BMPR2: variants seen among roughly 807,000 people sequenced by gnomAD.
BMPR2 encodes the protein bone morphogenetic protein receptor type-2.
In BMPR2, 29 loss-of-function variants were observed where a neutral mutation model predicts 100.8. The ratio of observed to expected loss-of-function variants is 0.29; its 90% CI spans 0.21 to 0.39. The LOEUF is 0.39. BMPR2 is among the 10% of genes least tolerant of loss of function. The pLI, the probability that BMPR2 is intolerant of heterozygous loss-of-function variation, is 1.00. For missense variants in BMPR2, 1,011 were observed against 1,274.5 expected, an observed-to-expected ratio of 0.79 and a Z score of 3.15; for synonymous variants, 382 against 442.3, an observed-to-expected ratio of 0.86 and a Z score of 1.71.
chr2:202,541,618 T>A (rs1011442522), intron 9 of BMPR2, among the ~76,000 whole-genome samples: 14 of 152,106 alleles, frequency 9.2e-5, no homozygotes, highest in African/African-American at 2.7e-4. Flanking sequence ...GGTCCTGGAG[T>A]TTTTCCTCAT....
intron 9 of BMPR2, among the ~76,000 whole-genome samples, chr2:202,539,643 T>G (rs1055332563): frequency 2.6e-5 from 4 of 152,082 alleles, no homozygotes; most frequent in African/African-American, 9.7e-5. Flanking sequence ...AATAAATGAT[T>G]TATCTGTATT....
chr2:202,542,943 G>A (rs1327149744), intron 10 of BMPR2, among the ~76,000 whole-genome samples: 4 of 151,804 alleles, frequency 2.6e-5, no homozygotes, highest in South Asian at 2.1e-4. Flanking sequence ...TTGGGAGGCC[G>A]AGGCGGGCAG....
chr2:202,383,111 A>G lies in BMPR2; in HGVS notation c.76+5561A>G, dbSNP rs955245634. Among the ~76,000 whole-genome samples the G allele has an allele frequency of 3.9e-5, 6 of 152,252 alleles. 1 individual carries two copies. Among genetic ancestry groups the G allele is most frequent in the Non-Finnish European group, 8.8e-5 (6 of 68,038 alleles). On this transcript the variant is annotated intron_variant, in intron 1 of 12. Transcript: ENST00000374580. ...CATTTCTTAATTTGTGCATTAAGCA[A>G]TTACCCAAAATCTTTTCCTTTTAAA...
rs71406975 is a variant in BMPR2 at position 202,388,396 on chromosome 2, C to CAAA, written c.76+10868_76+10870dup. The stretch of plus-strand genomic sequence containing the variant: ...TGGGTGACAGAGCGAGACTCCATCT[C>CAAA]AAAAAAAAAAAAAAAAAAAAAAAAC... On this transcript the variant is annotated intron_variant, in intron 1 of 12. Coordinates refer to ENST00000374580, the MANE Select transcript of BMPR2 (RefSeq NM_001204.7). Among the ~76,000 whole-genome samples the CAAA allele has an allele frequency of 3.4e-3, 124 of 36,780 alleles. 7 individuals are homozygous for CAAA. The highest frequency in any genetic ancestry group is 5.0e-3 in the African/African-American group (42 of 8,478). 24.1% of individuals were successfully genotyped at this position (36,780 alleles called of 152,430 possible). A position where few individuals can be genotyped will look rare whatever the true frequency, so the allele number is the denominator to read the frequency against.
chr2:202,522,273 C>T (rs906047659), intron 7 of BMPR2, among the ~76,000 whole-genome samples: 2 of 152,022 alleles, frequency 1.3e-5, no homozygotes, highest in South Asian at 2.1e-4. Context: ...TTTGGGAGGC[C>T]GAGGTGGGCG....
chr2:202,385,346 A>G (rs1287774807), intron 1 of BMPR2, among the ~76,000 whole-genome samples: 1 of 149,056 alleles, frequency 6.7e-6, no homozygotes, highest in Non-Finnish European at 1.5e-5. Flanking sequence ...TTTTCTTCTA[A>G]TTAAAAAAAA....
chr2:202,486,851 C>T (rs976905012), intron 3 of BMPR2, among the ~76,000 whole-genome samples: 2 of 151,476 alleles, frequency 1.3e-5, no homozygotes, highest in African/African-American at 4.9e-5. Flanking sequence ...TATAGTGAGA[C>T]CCTGCCTCTA....
chr2:202,397,965 AT>A (rs1574427161), intron 1 of BMPR2, among the ~76,000 whole-genome samples: 1 of 151,936 alleles, frequency 6.6e-6, no homozygotes, highest in East Asian at 1.9e-4. Context: ...TACTGAAAAT[AT>A]AAAAAATTAG....
At chr2:202,518,444 G>A (rs1025594754) in intron 5 of BMPR2, among the ~76,000 whole-genome samples, 4 of 151,952 alleles carry the variant, frequency 2.6e-5, no homozygotes, top group Admixed American at 2.6e-4. Context: ...AGCCTAGAAT[G>A]GTTTTCTTTA....
intron 1 of BMPR2, among the ~76,000 whole-genome samples, chr2:202,429,261 G>C (rs777055772): frequency 1.8e-4 from 27 of 152,144 alleles, no homozygotes; most frequent in Middle Eastern, 3.4e-3. Flanking sequence ...TTCTTCAGTG[G>C]TTCCTTGTGG....
chr2:202,476,516 C>T (rs184764067), intron 3 of BMPR2, among the ~76,000 whole-genome samples: 41 of 152,174 alleles, frequency 2.7e-4, no homozygotes, highest in African/African-American at 3.6e-4. Context: ...AGGCTGGGTG[C>T]GGTGGCTCAT....
chr2:202,559,133 C>T (rs1484237907), intron 12 of BMPR2, among the ~76,000 whole-genome samples: 2 of 151,748 alleles, frequency 1.3e-5, no homozygotes, highest in African/African-American at 2.4e-5. Context: ...AACCCCCCGT[C>T]TCTACTAAAA....
At chr2:202,409,177 T>C (rs1690960609) in intron 1 of BMPR2, among the ~76,000 whole-genome samples, 1 of 152,076 alleles carries the variant, frequency 6.6e-6, no homozygotes, top group Admixed American at 6.6e-5. Context: ...AAACCTTGTC[T>C]CTATAAAAAA....
At position 202,552,684 on chromosome 2, in the gene BMPR2, A is replaced by T; in HGVS notation, c.1414-32A>T. The T allele has an allele frequency of 1.9e-6, 3 of 1,612,274 alleles. No individual in the cohort carries two copies. In the South Asian group the frequency reaches 3.3e-5, roughly 18 times the overall value. ...GCTCAATACATTTTTTTTTTTAAAG[A>T]CACATGGTTTGACATGTACTTTGTC... On this transcript the variant is annotated intron_variant, in intron 10 of 12. Coordinates refer to ENST00000374580, the MANE Select transcript of BMPR2 (RefSeq NM_001204.7).
intron 1 of BMPR2, among the ~76,000 whole-genome samples, chr2:202,417,298 G>A (rs767849301): frequency 2.0e-5 from 3 of 152,004 alleles, no homozygotes; most frequent in Non-Finnish European, 2.9e-5. Context: ...CACCATGCCC[G>A]GCTAATTTAT....
chr2:202,461,958 A>G (rs1443826113), intron 1 of BMPR2, among the ~76,000 whole-genome samples: 3 of 151,938 alleles, frequency 2.0e-5, no homozygotes, highest in African/African-American at 7.3e-5. Context: ...GGTACTGTGC[A>G]CAACGTGCAG....
At chr2:202,544,874 CCTT>C (rs148645209) in intron 10 of BMPR2, among the ~76,000 whole-genome samples, 82 of 147,916 alleles carry the variant, frequency 5.5e-4, no homozygotes, top group African/African-American at 1.7e-3. Context: ...AAGCTATTCT[CCTT>C]CTTCATCTTC....
At chr2:202,465,224 A>T (rs1266356818) in intron 2 of BMPR2, among the ~76,000 whole-genome samples, 2 of 152,064 alleles carry the variant, frequency 1.3e-5, no homozygotes, top group African/African-American at 2.4e-5. Flanking sequence ...CCCCGTCTCT[A>T]CTAAAAATAC....
chr2:202,420,467 A>G (rs1691233306), intron 1 of BMPR2, among the ~76,000 whole-genome samples: 1 of 151,700 alleles, frequency 6.6e-6, no homozygotes, highest in Admixed American at 6.6e-5. Context: ...GAGGCCTGCT[A>G]ACATTACTAA....
Sources: gnomAD v4.1 joint callset for allele counts (sites outside exome capture counted in the v4.1 genomes callset) on GRCh38, gnomAD v4.1.1 for gene constraint, MANE v1.5 for transcripts, NCBI Gene and HGNC (gene_info 2026-07-23, HGNC 2026-07-21) for gene names.